Variants in STXBP4 observed in about 807,000 individuals in gnomAD.
The protein encoded by STXBP4 is syntaxin binding protein 4, also known as syntaxin-binding protein 4.
In STXBP4, 55 loss-of-function variants were observed where a neutral mutation model predicts 76.1. That is an observed-to-expected ratio of 0.72 (90% CI 0.58 to 0.91). The LOEUF is 0.91. STXBP4 is among the 40% of genes least tolerant of loss of function. The pLI, the probability that STXBP4 is intolerant of heterozygous loss-of-function variation, is 0.00. For missense variants in STXBP4, 618 were observed against 636.9 expected, an observed-to-expected ratio of 0.97 and a Z score of 0.32; for synonymous variants, 201 against 220.2, an observed-to-expected ratio of 0.91 and a Z score of 0.77.
At chr17:55,106,117 T>A (rs1708214556) in intron 16 of STXBP4, among the ~76,000 whole-genome samples, 2 of 152,182 alleles carry the variant, frequency 1.3e-5, no homozygotes, top group South Asian at 4.2e-4. Context: ...CTCTAAGAAC[T>A]TGCTTTATGA....
intron 12 of STXBP4, among the ~76,000 whole-genome samples, chr17:55,072,681 AG>A (rs1485305116): frequency 2.6e-5 from 4 of 152,206 alleles, no homozygotes; most frequent in African/African-American, 9.7e-5. Flanking sequence ...TATGAAGTCA[AG>A]AGATTCCATG....
chr17:55,060,579 C>T (rs2078983514), intron 12 of STXBP4, among the ~76,000 whole-genome samples: 1 of 152,086 alleles, frequency 6.6e-6, no homozygotes, highest in Admixed American at 6.6e-5. Context: ...TCATTTTTCA[C>T]TGGAAGGATC....
intron 12 of STXBP4, among the ~76,000 whole-genome samples, chr17:55,051,374 T>C (rs1014987247): frequency 6.6e-6 from 1 of 152,150 alleles, no homozygotes; most frequent in African/African-American, 2.4e-5. Flanking sequence ...ATGCAGTATT[T>C]GTGTTCAGTG....
chr17:55,189,389 T>C, the STXBP4 span, among the ~76,000 whole-genome samples: 2 of 152,190 alleles, frequency 1.3e-5, no homozygotes, highest in Non-Finnish European at 1.5e-5. Context: ...ATAGTTTATC[T>C]AAGAGAGAGA....
Position 55,162,228 on chromosome 17 carries a change from A to T in STXBP4, c.*2317A>T, listed in dbSNP as rs1020397772. ...CGGTGCCATAAGAGATGCTCAAAAAAGCATGGTCAGGGCTTAGCAAGAATC... is the reference window on the plus strand; with the variant it reads ...CGGTGCCATAAGAGATGCTCAAAAATGCATGGTCAGGGCTTAGCAAGAATC... On this transcript the variant is annotated 3_prime_UTR_variant, in exon 18 of 18. Transcript: ENST00000376352. 5.9e-5 allele frequency: 9 copies of T among 152,232 alleles called. No individual in the cohort carries two copies. Among genetic ancestry groups the T allele is most frequent in the Admixed American group, 5.9e-4 (9 of 15,290 alleles). 9.4% of individuals were successfully genotyped at this position (152,232 alleles called of 1,614,324 possible).
Position 55,170,114 on chromosome 17 carries a change from C to G in STXBP4, c.*10203C>G, listed in dbSNP as rs1309027812. ...CACCACAAACATTCTGGAAAGCAGT[C>G]TTGGAACATCTATCAAAGGCCTTAA... is the stretch of plus-strand genomic sequence containing the variant. On this transcript the variant is annotated 3_prime_UTR_variant, in exon 18 of 18. Transcript: ENST00000376352. 1.3e-5 allele frequency: 2 copies of G among 152,158 alleles called. No individual in the cohort carries two copies. Among genetic ancestry groups the G allele is most frequent in the African/African-American group, 4.8e-5 (2 of 41,432 alleles). 9.4% of individuals were successfully genotyped at this position (152,158 alleles called of 1,614,324 possible).
Position 55,167,007 on chromosome 17 carries a change from T to C in STXBP4, c.*7096T>C, listed in dbSNP as rs1215810593. 2 of 152,238 alleles carry C rather than the reference T, an allele frequency of 1.3e-5. No homozygotes were observed. Among genetic ancestry groups the C allele is most frequent in the African/African-American group, 4.8e-5 (2 of 41,466 alleles). The allele number at this position is 152,238 out of a possible 1,614,324, so 9.4% of individuals were successfully genotyped here. ...GGAAGGAAATGGGAAAACAGAATAC[T>C]GGCCAGGATGGTCTGTTGTTTCTTA... On this transcript the variant is annotated 3_prime_UTR_variant, in exon 18 of 18. Transcript: ENST00000376352.
chr17:55,209,614 T>C, the STXBP4 span, among the ~76,000 whole-genome samples: 1 of 152,196 alleles, frequency 6.6e-6, no homozygotes, highest in African/African-American at 2.4e-5. Flanking sequence ...TCCCTTACCA[T>C]GGCCATTGTC....
chr17:55,177,147 G>A (rs2080434113), downstream of STXBP4, among the ~76,000 whole-genome samples: 1 of 152,082 alleles, frequency 6.6e-6, no homozygotes, highest in Non-Finnish European at 1.5e-5. Context: ...TACCTATAAT[G>A]ATACATATGA....
At chr17:55,157,433 C>T (rs1256756877) in intron 17 of STXBP4, among the ~76,000 whole-genome samples, 1 of 152,174 alleles carries the variant, frequency 6.6e-6, no homozygotes, top group Non-Finnish European at 1.5e-5. Flanking sequence ...TGAAGTTAAC[C>T]TGTGCCGAAT....
intron 12 of STXBP4, among the ~76,000 whole-genome samples, chr17:55,050,476 C>T (rs997814813): frequency 2.0e-5 from 3 of 152,000 alleles, no homozygotes; most frequent in South Asian, 2.1e-4. Flanking sequence ...AGAATGATGA[C>T]ATTCATTGGG....
At chr17:55,068,259 G>A (rs1012577367) in intron 12 of STXBP4, among the ~76,000 whole-genome samples, 1 of 151,960 alleles carries the variant, frequency 6.6e-6, no homozygotes, top group Non-Finnish European at 1.5e-5. Context: ...TATTCTTTAG[G>A]GCTTGGTAGC....
chr17:55,111,757 AC>A (rs2079720749), intron 16 of STXBP4, among the ~76,000 whole-genome samples: 1 of 152,116 alleles, frequency 6.6e-6, no homozygotes, highest in South Asian at 2.1e-4. Context: ...AGCCAATTAA[AC>A]TTTTTTCTTT....
chr17:55,007,371 G>A lies in STXBP4; in HGVS notation c.575-135G>A. On this transcript the variant is annotated intron_variant, in intron 7 of 17. Transcript: ENST00000376352. ...AAAAAAGAAAAGAAAAAAAAATTATGCAAACAAAACTAAAAGCTGCTAACT... is the reference window on the plus strand; with the variant it reads ...AAAAAAGAAAAGAAAAAAAAATTATACAAACAAAACTAAAAGCTGCTAACT... 3 of 674,466 alleles carry A rather than the reference G, an allele frequency of 4.4e-6. 1 individual carries two copies. Among genetic ancestry groups the A allele is most frequent in the Admixed American group, 5.2e-5 (2 of 38,472 alleles). The allele number at this position is 674,466 out of a possible 1,614,324, so 41.8% of individuals were successfully genotyped here. A position where few individuals can be genotyped will look rare whatever the true frequency, so the allele number is the denominator to read the frequency against.
the STXBP4 span, among the ~76,000 whole-genome samples, chr17:55,199,761 G>A: frequency 1.6e-3 from 241 of 152,296 alleles, no homozygotes; most frequent in Non-Finnish European, 1.0e-3. Context: ...AGTGCTTAAA[G>A]CCTACTCAAT....
At chr17:55,117,185 TA>T (rs2079790504) in intron 16 of STXBP4, among the ~76,000 whole-genome samples, 1 of 151,878 alleles carries the variant, frequency 6.6e-6, no homozygotes, top group African/African-American at 2.4e-5. Context: ...GCAATTTTTT[TA>T]ATCTATTGTC....
intron 16 of STXBP4, among the ~76,000 whole-genome samples, chr17:55,089,718 TG>T (rs1417659597): frequency 2.6e-5 from 4 of 152,168 alleles, no homozygotes; most frequent in African/African-American, 9.7e-5. Context: ...ATTGACAAAA[TG>T]ATTATGTAAC....
At chr17:55,055,778 C>G (rs895204993) in intron 12 of STXBP4, among the ~76,000 whole-genome samples, 1 of 152,208 alleles carries the variant, frequency 6.6e-6, no homozygotes, top group Admixed American at 6.5e-5. Context: ...GGTCTCTTTG[C>G]ACCATCTTTC....
chr17:55,085,669 T>C (rs1221645659), intron 16 of STXBP4, among the ~76,000 whole-genome samples: 1 of 152,080 alleles, frequency 6.6e-6, no homozygotes, highest in African/African-American at 2.4e-5. Flanking sequence ...ATCAAAATGA[T>C]GTTTTCAGTA....
Sources: allele counts gnomAD v4.1 joint callset (sites outside exome capture counted in the v4.1 genomes callset), GRCh38; gene constraint gnomAD v4.1.1; transcripts MANE v1.5; gene names NCBI Gene and HGNC (gene_info 2026-07-23, HGNC 2026-07-21).